The following WDR41 variants were observed in gnomAD, a reference collection of about 807,000 sequenced individuals.
The protein encoded by WDR41 is WD repeat-containing protein 41.
A neutral mutation model predicts 69.3 loss-of-function variants in WDR41; 63 were observed. The ratio of observed to expected loss-of-function variants is 0.91; its 90% confidence interval spans 0.74 to 1.12. The LOEUF (loss-of-function observed/expected upper bound fraction) is 1.12, where lower values mean the gene tolerates loss of function less well. Among genes scored for constraint, WDR41 ranks in the 50% most tolerant of loss-of-function variants. WDR41 has a pLI of 0.00. For missense variants in WDR41, 543 were observed against 534.5 expected (o/e 1.02, Z -0.16); for synonymous variants, 185 against 192.1 (o/e 0.96, Z 0.31).
intron 5 of WDR41, 92 bp from the exon 6 acceptor site, chr5:77,454,020 C>A (rs1299504558): frequency 3.3e-6 from 3 of 915,618 alleles, no homozygotes; most frequent in Non-Finnish European, 5.2e-6. Flanking sequence ...TCTTTAACCC[C>A]TTCCTTCACT....
intron 2 of WDR41, among the ~76,000 whole-genome samples, chr5:77,474,846 C>T (rs2112011186): frequency 6.6e-6 from 1 of 152,302 alleles, no homozygotes. Flanking sequence ...CTCCGGTCTA[C>T]AGCTCCCAGC....
At chr5:77,528,112 A>C (rs568135855) in intron 1 of WDR41, among the ~76,000 whole-genome samples, 1 of 151,860 alleles carries the variant, frequency 6.6e-6, no homozygotes, top group Non-Finnish European at 1.5e-5. Flanking sequence ...AGGTTCAATA[A>C]AGCAAAATTA....
intron 1 of WDR41, among the ~76,000 whole-genome samples, chr5:77,598,780 A>G (rs889468109): frequency 6.6e-6 from 1 of 152,086 alleles, no homozygotes; most frequent in Non-Finnish European, 1.5e-5. Flanking sequence ...TTATGGTTCA[A>G]TGTTAACGCT....
chr5:77,454,931 C>T (rs1799768739), intron 5 of WDR41, among the ~76,000 whole-genome samples: 1 of 152,048 alleles, frequency 6.6e-6, no homozygotes, highest in Non-Finnish European at 1.5e-5. Context: ...TAGATTGTTT[C>T]CATTTTTGAC....
chr5:77,433,680 T>C (rs371134522), intron 12 of WDR41, among the ~76,000 whole-genome samples: 5 of 152,230 alleles, frequency 3.3e-5, no homozygotes, highest in East Asian at 3.9e-4. Flanking sequence ...AAAGTAGATA[T>C]ACTCAATCCA....
At chr5:77,438,212 C>A in intron 10 of WDR41, 28 bp downstream of exon 10, 1 of 1,613,012 alleles carries the variant, frequency 6.2e-7, no homozygotes, top group Non-Finnish European at 8.5e-7. Context: ...TTGCTTTCAT[C>A]TATTGCAGAA....
chr5:77,541,090 G>A (rs1225931024), intron 1 of WDR41, among the ~76,000 whole-genome samples: 1 of 152,178 alleles, frequency 6.6e-6, no homozygotes, highest in Non-Finnish European at 1.5e-5. Flanking sequence ...TGCACTTCAG[G>A]CAGAAGGAAA....
chr5:77,591,124 T>C (rs1744130178), intron 1 of WDR41, among the ~76,000 whole-genome samples: 1 of 152,102 alleles, frequency 6.6e-6, no homozygotes, highest in Admixed American at 6.6e-5. Context: ...TTTTCTTAAG[T>C]TTTTTCAAGC....
At chr5:77,480,969 C>T (rs1191062076) in intron 2 of WDR41, among the ~76,000 whole-genome samples, 5 of 151,998 alleles carry the variant, frequency 3.3e-5, no homozygotes, top group Non-Finnish European at 7.4e-5. Flanking sequence ...CTCTGCCCCA[C>T]TTGCTTGAGA....
chr5:77,564,587 C>T (rs1160298137), intron 1 of WDR41, among the ~76,000 whole-genome samples: 3 of 152,082 alleles, frequency 2.0e-5, no homozygotes, highest in African/African-American at 2.4e-5. Flanking sequence ...GGCTGAAATC[C>T]TTTTACTGCG....
At chr5:77,587,014 G>A (rs1260183312) in intron 1 of WDR41, among the ~76,000 whole-genome samples, 2 of 149,940 alleles carry the variant, frequency 1.3e-5, no homozygotes, top group East Asian at 1.9e-4. Context: ...CACCATGCCC[G>A]GCCCCCTGAA....
chr5:77,571,731 A>C (rs1318494186), intron 1 of WDR41, among the ~76,000 whole-genome samples: 1 of 152,190 alleles, frequency 6.6e-6, no homozygotes, highest in East Asian at 1.9e-4. Flanking sequence ...GGATTGGAGC[A>C]GATGTTGCTG....
At chr5:77,611,659 T>G (rs1031526319) in intron 1 of WDR41, among the ~76,000 whole-genome samples, 1 of 152,250 alleles carries the variant, frequency 6.6e-6, no homozygotes, top group Non-Finnish European at 1.5e-5. Flanking sequence ...GAGGGAAATT[T>G]ATAGCACTAA....
chr5:77,508,343 G>A (rs1193125131), intron 1 of WDR41, among the ~76,000 whole-genome samples: 1 of 152,036 alleles, frequency 6.6e-6, no homozygotes, highest in Admixed American at 6.6e-5. Flanking sequence ...TGAACTCCTG[G>A]GCTCAAGTGA....
intron 1 of WDR41, among the ~76,000 whole-genome samples, chr5:77,610,734 G>T (rs1271412918): frequency 6.6e-6 from 1 of 152,176 alleles, no homozygotes; most frequent in Non-Finnish European, 1.5e-5. Flanking sequence ...AGACTAGGAA[G>T]AAACTGCATC....
intron 1 of WDR41, among the ~76,000 whole-genome samples, chr5:77,567,360 G>T (rs1219069639): frequency 6.6e-6 from 1 of 152,056 alleles, no homozygotes; most frequent in African/African-American, 2.4e-5. Context: ...TTCTTGGGTA[G>T]GTGTCATTAA....
At chr5:77,456,755 G>A (rs1158462001) in intron 5 of WDR41, among the ~76,000 whole-genome samples, 2 of 152,110 alleles carry the variant, frequency 1.3e-5, no homozygotes, top group African/African-American at 2.4e-5. Context: ...AGGCTAGAGT[G>A]CAGTGGCACA....
At chr5:77,620,498 C>T (rs1470201301) in exon 1 of WDR41, 1 of 389,336 alleles carries the variant, frequency 2.6e-6, no homozygotes, top group African/African-American at 3.3e-5. Flanking sequence ...TTCCCCTGGA[C>T]TTGAACAATT....
intron 1 of WDR41, among the ~76,000 whole-genome samples, chr5:77,587,481 A>G (rs1205418921): frequency 6.6e-6 from 1 of 152,212 alleles, no homozygotes; most frequent in Non-Finnish European, 1.5e-5. Context: ...GACAGTTCCC[A>G]TCTCCACTTA....
Sources: allele counts gnomAD v4.1 joint callset (sites outside exome capture counted in the v4.1 genomes callset), GRCh38; gene constraint gnomAD v4.1.1; transcripts MANE v1.5; gene names NCBI Gene and HGNC (gene_info 2026-07-23, HGNC 2026-07-21).